LRP5: variants seen among roughly 807,000 people sequenced by gnomAD.
The protein encoded by LRP5 is LDL receptor related protein 5.
LRP5 carries 62 observed loss-of-function variants against 154.1 expected under a neutral mutation model. The observed-to-expected ratio is 0.40, with a 90% CI of 0.33 to 0.50. LRP5 has a LOEUF of 0.50. Among genes scored for constraint, LRP5 ranks in the 20% least tolerant of loss-of-function variants. The probability of loss-of-function intolerance (pLI) is 0.55; values close to 1 mark genes in which losing one functional copy is unlikely to be tolerated. For synonymous variants in LRP5, 966 were observed against 1,011.5 expected, an observed-to-expected ratio of 0.96 and a Z score of 0.85; for missense variants, 1,915 against 2,336.7, an observed-to-expected ratio of 0.82 and a Z score of 3.72.
intron 5 of LRP5, among the ~76,000 whole-genome samples, chr11:68,366,805 G>T (rs1197733090): frequency 1.3e-5 from 2 of 152,080 alleles, no homozygotes; most frequent in Admixed American, 1.3e-4. Flanking sequence ...GACTTGGGCG[G>T]CCTAGTCCTC....
intron 5 of LRP5, among the ~76,000 whole-genome samples, chr11:68,368,807 G>A (rs1006703652): frequency 6.6e-6 from 1 of 151,780 alleles, no homozygotes; most frequent in Admixed American, 6.6e-5. Flanking sequence ...ATTGCAGGAG[G>A]TAAATATGTA....
intron 1 of LRP5, among the ~76,000 whole-genome samples, chr11:68,344,477 C>A (rs939054833): frequency 0.11 from 2 of 18 alleles, no homozygotes; most frequent in South Asian, 0.5. Flanking sequence ...AGCCACCACG[C>A]CCCAGCTAAT....
intron 2 of LRP5, among the ~76,000 whole-genome samples, chr11:68,351,302 G>A (rs1320734066): frequency 1.3e-5 from 2 of 152,036 alleles, no homozygotes; most frequent in Non-Finnish European, 2.9e-5. Flanking sequence ...TGCAGCTGCC[G>A]GGGAGCCAGC....
chr11:68,384,300 G>T (rs1229093349), intron 5 of LRP5, among the ~76,000 whole-genome samples: 1 of 152,178 alleles, frequency 6.6e-6, no homozygotes, highest in East Asian at 1.9e-4. Flanking sequence ...GCCTGGCAGG[G>T]CACTCAGGAG....
chr11:68,323,155 C>T (rs2153115083), intron 1 of LRP5, among the ~76,000 whole-genome samples: 1 of 152,342 alleles, frequency 6.6e-6, no homozygotes, highest in South Asian at 2.1e-4. Flanking sequence ...GTCTCCCAGG[C>T]TTGAGTGCAG....
Position 68,447,871 on chromosome 11 carries a change from C to T in LRP5, c.4587-938C>T, listed in dbSNP as rs1486455200. ...TGGGCCACAGTTGGGTGCAGGTAGC[C>T]TCTGGGAGGATGGGAGGTCAGGAGC... On this transcript the variant is annotated intron_variant, in intron 22 of 22. Coordinates refer to ENST00000294304, the MANE Select transcript of LRP5 (RefSeq NM_002335.4). This position sits in a 1 kb window ranked among gnomAD's most constrained non-coding sequence, Gnocchi z 4.3. Among the ~76,000 whole-genome samples, 3 of 152,134 alleles carry T rather than the reference C, an allele frequency of 2.0e-5. No individual in the cohort carries two copies. The highest frequency in any genetic ancestry group is 2.9e-5 in the Non-Finnish European group (2 of 68,032).
rs759711110 is a variant in LRP5 at position 68,429,644 on chromosome 11, C to T, written c.3707C>T (p.Pro1236Leu). Residue 1236 changes from proline to leucine, a missense_variant, in exon 17 of 23, where the codon CCA becomes CTA. By Grantham distance (98) the Pro-to-Leu change is moderately conservative. This residue lies in a region of LRP5 where 1,094 missense variants were observed against 1,210.1 expected (regional missense o/e 0.90). Transcript: ENST00000294304. ...HICIAKGDGT[P>L]RCSCPVHLVL... ...TGTATTGCCAAGGGTGATGGGACACCACGGTGCTCATGCCCAGTCCACCTC... is the reference window on the plus strand; with the variant it reads ...TGTATTGCCAAGGGTGATGGGACACTACGGTGCTCATGCCCAGTCCACCTC... The T allele has an allele frequency of 9.9e-6, 16 of 1,614,054 alleles. No individual in the cohort carries two copies. The Admixed American group carries it at 1.8e-4, about 18-fold the overall frequency.
intron 1 of LRP5, among the ~76,000 whole-genome samples, chr11:68,343,741 G>A (rs74743): frequency 0.22 from 32,939 of 152,040 alleles, 4,018 homozygotes; most frequent in Non-Finnish European, 0.29. Flanking sequence ...CCTGCCCTCA[G>A]GCCTCAGTGC....
intron 1 of LRP5, among the ~76,000 whole-genome samples, chr11:68,319,033 C>T (rs571468736): frequency 6.6e-6 from 1 of 151,008 alleles, no homozygotes; most frequent in African/African-American, 2.4e-5. Flanking sequence ...AGAGGCGCTG[C>T]TTCTGTGCCC....
chr11:68,334,602 C>T (rs1268366467), intron 1 of LRP5, among the ~76,000 whole-genome samples: 7 of 152,214 alleles, frequency 4.6e-5, no homozygotes, highest in Non-Finnish European at 7.4e-5. Context: ...AGGCTAGGCA[C>T]GGCAGCTCAT....
intron 7 of LRP5, among the ~76,000 whole-genome samples, chr11:68,395,436 C>T (rs796402987): frequency 6.6e-6 from 1 of 152,164 alleles, no homozygotes; most frequent in African/African-American, 2.4e-5. Flanking sequence ...CGATTTGGAG[C>T]TCATCACTGG....
intron 9 of LRP5, among the ~76,000 whole-genome samples, chr11:68,409,232 AT>A (rs1409359934): frequency 3.1e-5 from 4 of 128,690 alleles, no homozygotes; most frequent in Admixed American, 1.7e-4. Flanking sequence ...ATAATATAAA[AT>A]ATATATTATA....
rs766589610 is a variant in LRP5 at position 68,357,846 on chromosome 11, C to T, written c.685C>T (p.Arg229Trp). 32 of 1,610,412 alleles carry T rather than the reference C, an allele frequency of 2.0e-5. No individual in the cohort carries two copies. Among genetic ancestry groups the T allele is most frequent in the Admixed American group, 1.5e-4 (9 of 59,646 alleles). Reference protein sequence around the residue: ...IHRANLDGSFRQKVVEGSLTH... With the variant: ...IHRANLDGSFWQKVVEGSLTH... ...CCGTGCCAACCTGGACGGCTCGTTC[C>T]GGTAGGTACCCACGCAGTCCTGGGG... The change falls in exon 3 of 23, where the codon CGG becomes TGG. Residue 229 changes from arginine to tryptophan, a missense_variant and splice_region_variant. Transcript: ENST00000294304.
intron 1 of LRP5, among the ~76,000 whole-genome samples, chr11:68,314,870 G>C (rs181031715): frequency 3.3e-5 from 5 of 152,370 alleles, no homozygotes; most frequent in African/African-American, 1.2e-4. Flanking sequence ...CCCCTCTTCA[G>C]TTCCAAGAAA....
At chr11:68,427,141 T>C (rs1266072402) in intron 16 of LRP5, among the ~76,000 whole-genome samples, 1 of 152,200 alleles carries the variant, frequency 6.6e-6, no homozygotes, top group Non-Finnish European at 1.5e-5. Context: ...TTAATAACCT[T>C]AATCACATCT....
intron 10 of LRP5, among the ~76,000 whole-genome samples, chr11:68,410,610 C>T (rs570496475): frequency 2.6e-5 from 4 of 152,192 alleles, no homozygotes; most frequent in Admixed American, 2.6e-4. Flanking sequence ...CAGGCTCCTC[C>T]GAAATGGCCT....
At chr11:68,337,431 A>G (rs2098606321) in intron 1 of LRP5, among the ~76,000 whole-genome samples, 2 of 152,196 alleles carry the variant, frequency 1.3e-5, no homozygotes, top group Admixed American at 1.3e-4. Flanking sequence ...CATTGTGAGT[A>G]GAATTAAGTA....
At chr11:68,335,699 A>G (rs1364705909) in intron 1 of LRP5, among the ~76,000 whole-genome samples, 2 of 152,216 alleles carry the variant, frequency 1.3e-5, no homozygotes, top group African/African-American at 4.8e-5. Flanking sequence ...TCATGCACCT[A>G]GGAGCACTAC....
At position 68,406,682 on chromosome 11, in the gene LRP5, G is replaced by A. The variant is rs747131775; in HGVS notation, c.1960G>A (p.Ala654Thr). 21 of 1,614,032 alleles carry A rather than the reference G, an allele frequency of 1.3e-5. No individual in the cohort carries two copies. The East Asian group carries it at 2.0e-4, about 15-fold the overall frequency. ...EAFLVFTSRAAIHRISLETNN... is the reference protein window; with the variant it reads ...EAFLVFTSRATIHRISLETNN... ...CTTCTTGGTCTTCACCAGCAGAGCC[G>A]CCATCCACAGGATCTCCCTCGAGAC... The change falls in exon 9 of 23, where the codon GCC becomes ACC. Residue 654 changes from alanine (A) to threonine (T), a missense_variant. Coordinates refer to ENST00000294304, the MANE Select transcript of LRP5 (RefSeq NM_002335.4).
Sources: allele counts gnomAD v4.1 joint callset (sites outside exome capture counted in the v4.1 genomes callset), GRCh38; gene constraint gnomAD v4.1.1; regional missense constraint gnomAD v4.1.1; non-coding constraint Gnocchi (gnomAD v3.1); transcripts MANE v1.5; gene names NCBI Gene and HGNC (gene_info 2026-07-23, HGNC 2026-07-21).